ADAMTS19: variants seen among roughly 807,000 people sequenced by gnomAD.
ADAMTS19 encodes ADAM metallopeptidase with thrombospondin type 1 motif 19.
ADAMTS19 carries 93 observed loss-of-function variants against 153.3 expected under a neutral mutation model. The observed-to-expected ratio is 0.61, with a 90% CI of 0.51 to 0.72. The LOEUF (loss-of-function observed/expected upper bound fraction) is 0.72. Ranked by LOEUF, ADAMTS19 falls within the 30% of genes least tolerant of loss-of-function variation. The probability of loss-of-function intolerance (pLI) is 0.00; values close to 1 mark genes in which losing one functional copy is unlikely to be tolerated. For missense variants in ADAMTS19, 1,482 were observed against 1,552.1 expected (o/e 0.95, Z 0.76); for synonymous variants, 600 against 556.6 (o/e 1.08, Z -1.10).
chr5:129,665,091 C>T (rs1045560740), intron 15 of ADAMTS19, among the ~76,000 whole-genome samples: 12 of 152,126 alleles, frequency 7.9e-5, no homozygotes, highest in Admixed American at 5.9e-4. Context: ...ATATTTTCTC[C>T]GGCTATATAT....
At chr5:129,692,552 T>C (rs1482149862) in intron 18 of ADAMTS19, among the ~76,000 whole-genome samples, 1 of 152,198 alleles carries the variant, frequency 6.6e-6, no homozygotes, top group African/African-American at 2.4e-5. Flanking sequence ...GGTCACCTTG[T>C]TGCATGAGCT....
intron 7 of ADAMTS19, among the ~76,000 whole-genome samples, chr5:129,585,538 T>C (rs1490659810): frequency 2.0e-5 from 3 of 152,174 alleles, no homozygotes; most frequent in Non-Finnish European, 4.4e-5. Flanking sequence ...CTACTACATA[T>C]TGTTGCATAT....
intron 16 of ADAMTS19, 131 bp downstream of exon 16, chr5:129,665,710 C>T (rs1222250125): frequency 4.6e-6 from 3 of 653,804 alleles, no homozygotes; most frequent in African/African-American, 1.9e-5. Context: ...TATCTTTTGT[C>T]ATATCAAGTA....
chr5:129,650,388 C>A (rs532735477), intron 13 of ADAMTS19, among the ~76,000 whole-genome samples: 6 of 152,216 alleles, frequency 3.9e-5, no homozygotes, highest in Admixed American at 1.3e-4. Context: ...ATTTCAGTGC[C>A]CCCATCTGAT....
chr5:129,605,307 T>G (rs1403069169), intron 8 of ADAMTS19, among the ~76,000 whole-genome samples: 3 of 152,152 alleles, frequency 2.0e-5, no homozygotes, highest in Admixed American at 1.3e-4. Context: ...TGTTCTAGCC[T>G]CCTTCCCTAT....
chr5:129,569,424 G>A (rs750859170), intron 7 of ADAMTS19, among the ~76,000 whole-genome samples: 3 of 152,072 alleles, frequency 2.0e-5, no homozygotes, highest in Admixed American at 6.6e-5. Context: ...GATAAAACCA[G>A]TAAACAGGAA....
At chr5:129,652,195 C>G (rs962279979) in intron 13 of ADAMTS19, among the ~76,000 whole-genome samples, 1 of 152,118 alleles carries the variant, frequency 6.6e-6, no homozygotes, top group Non-Finnish European at 1.5e-5. Context: ...TTTTGCAACA[C>G]GTATCAATCA....
At position 129,526,418 on chromosome 5, in the gene ADAMTS19, G is replaced by A. The variant is rs781051430; in HGVS notation, c.1048G>A (p.Asp350Asn). The A allele has an allele frequency of 6.2e-7, 1 of 1,603,588 alleles. No homozygotes were observed. The highest frequency in any genetic ancestry group is 8.5e-7 in the Non-Finnish European group (1 of 1,175,692). ...AGCAATGGTTTCCTATCATGGAGCAGATGCAGCCAGGAGATTCATTCTAAC... is the reference window on the plus strand; with the variant it reads ...AGCAATGGTTTCCTATCATGGAGCAAATGCAGCCAGGAGATTCATTCTAAC... ...DPAMVSYHGA[D>N]AARRFILTIL... Residue 350 changes from aspartate (D) to asparagine (N), a missense_variant, in exon 4 of 23, where the codon GAT (aspartate) becomes AAT (asparagine). Asp to Asn is a conservative substitution (Grantham distance 23). This residue lies in a region of ADAMTS19 where 866 missense variants were observed against 827.7 expected (regional missense o/e 1.05). Transcript: ENST00000274487.
At chr5:129,593,351 C>T (rs1039136675) in intron 7 of ADAMTS19, among the ~76,000 whole-genome samples, 1 of 152,174 alleles carries the variant, frequency 6.6e-6, no homozygotes, top group Non-Finnish European at 1.5e-5. Flanking sequence ...TCACCCAACA[C>T]TATTTAATAA....
chr5:129,622,861 GTTATT>G, intron 10 of ADAMTS19, among the ~76,000 whole-genome samples: 1 of 151,756 alleles, frequency 6.6e-6, no homozygotes, highest in East Asian at 1.9e-4. Flanking sequence ...ATTATACTAT[GTTATT>G]TTATTATTTG....
chr5:129,733,004 C>T (rs1488357269), intron 21 of ADAMTS19, among the ~76,000 whole-genome samples: 5 of 152,010 alleles, frequency 3.3e-5, no homozygotes, highest in Non-Finnish European at 7.4e-5. Context: ...AACAAAACCA[C>T]ATACCTATAG....
At chr5:129,470,506 G>C (rs1750026171) in intron 2 of ADAMTS19, among the ~76,000 whole-genome samples, 1 of 152,280 alleles carries the variant, frequency 6.6e-6, no homozygotes, top group Non-Finnish European at 1.5e-5. Flanking sequence ...AGTGCATTTA[G>C]GGTGCAGCTA....
chr5:129,620,514 CAGTATTTTA>C, intron 8 of ADAMTS19, 95 bp from the exon 9 acceptor site: 1 of 815,338 alleles, frequency 1.2e-6, no homozygotes. Flanking sequence ...ATTTGGCCCC[CAGTATTTTA>C]AGTATTTTAA....
chr5:129,565,977 T>C (rs1225808718), intron 7 of ADAMTS19, among the ~76,000 whole-genome samples: 2 of 152,138 alleles, frequency 1.3e-5, no homozygotes, highest in East Asian at 3.8e-4. Context: ...CTAATAATAT[T>C]AATACAATTT....
chr5:129,640,278 T>C (rs897122185), intron 10 of ADAMTS19, among the ~76,000 whole-genome samples: 2 of 152,130 alleles, frequency 1.3e-5, no homozygotes, highest in African/African-American at 4.8e-5. Flanking sequence ...AGTAAATTGT[T>C]GTTAAAAAAA....
At chr5:129,702,935 AAAAAAAATATATATAT>A (rs1279445384) in intron 20 of ADAMTS19, among the ~76,000 whole-genome samples, 7 of 14,770 alleles carry the variant, frequency 4.7e-4, no homozygotes, top group South Asian at 3.6e-3. Context: ...TTGCCAAAAA[AAAAAAAATATATATAT>A]ATATATATAT....
Position 129,665,533 on chromosome 5 carries a change from A to T in ADAMTS19, c.2460A>T (p.Ala820=). 6.2e-7 allele frequency: 1 copy of T among 1,610,938 alleles called. No individual in the cohort carries two copies. Among genetic ancestry groups the T allele is most frequent in the Non-Finnish European group, 8.5e-7 (1 of 1,177,916 alleles). The change falls in exon 16 of 23, where the codon GCA becomes GCT. Residue 820 remains alanine, a synonymous_variant. Transcript: ENST00000274487. ...AAGTGCTGGTGATACCTGCTGGAGC[A>T]AGAAGAATCAAAGTTGTGGAGGAAA... ...YVEVLVIPAG[A]RRIKVVEEKP...
chr5:129,723,877 G>C (rs1215138110), intron 21 of ADAMTS19, among the ~76,000 whole-genome samples: 1 of 152,116 alleles, frequency 6.6e-6, no homozygotes, highest in East Asian at 1.9e-4. Flanking sequence ...GATGTGCATT[G>C]GTTTGATACA....
At chr5:129,731,320 G>A (rs1190068588) in intron 21 of ADAMTS19, among the ~76,000 whole-genome samples, 2 of 152,056 alleles carry the variant, frequency 1.3e-5, no homozygotes, top group African/African-American at 4.8e-5. Context: ...GAGCACAACT[G>A]TAGAGGTAGA....
Sources: gnomAD v4.1 joint callset for allele counts (sites outside exome capture counted in the v4.1 genomes callset) on GRCh38, gnomAD v4.1.1 for gene constraint, gnomAD v4.1.1 regional missense constraint, MANE v1.5 for transcripts, NCBI Gene and HGNC (gene_info 2026-07-23, HGNC 2026-07-21) for gene names.